Variants in FAM193A observed in about 807,000 individuals in gnomAD.
FAM193A encodes family with sequence similarity 193 member A, also known as protein FAM193A.
A neutral mutation model predicts 126.5 loss-of-function variants in FAM193A; 22 were observed. That is an observed-to-expected ratio of 0.17 (90% CI 0.12 to 0.25). FAM193A has a LOEUF of 0.25. Ranked by LOEUF, FAM193A falls within the 10% of genes least tolerant of loss-of-function variation. FAM193A has a pLI of 1.00. For missense variants in FAM193A, 1,675 were observed against 1,672.8 expected (o/e 1.00, Z -0.02); for synonymous variants, 761 against 646.8 (o/e 1.18, Z -2.68).
chr4:2,722,375 A>G (rs559954545), intron 20 of FAM193A, among the ~76,000 whole-genome samples: 1 of 152,326 alleles, frequency 6.6e-6, no homozygotes, highest in South Asian at 2.1e-4. Flanking sequence ...CCATGCTGCA[A>G]GAACCTGTGG....
At chr4:2,717,239 C>A (rs1719640429) in intron 20 of FAM193A, among the ~76,000 whole-genome samples, 2 of 152,128 alleles carry the variant, frequency 1.3e-5, no homozygotes, top group African/African-American at 4.8e-5. Context: ...CTCAGCCTCC[C>A]AAAGTGCTGA....
chr4:2,682,819 T>A (rs967537278), intron 13 of FAM193A, among the ~76,000 whole-genome samples: 1 of 135,360 alleles, frequency 7.4e-6, no homozygotes, highest in Non-Finnish European at 1.7e-5. Context: ...CTGTCATTAT[T>A]TTCACTTATC....
At chr4:2,667,147 G>A (rs1429031632) in intron 12 of FAM193A, among the ~76,000 whole-genome samples, 1 of 152,206 alleles carries the variant, frequency 6.6e-6, no homozygotes, top group Admixed American at 6.5e-5. Flanking sequence ...TTCTTGTTGT[G>A]TGGAGTGTTC....
At chr4:2,663,069 T>A in intron 11 of FAM193A, 40 bp from the exon 12 acceptor site, 66 of 1,599,720 alleles carry the variant, frequency 4.1e-5, no homozygotes, top group Non-Finnish European at 5.6e-5. Context: ...TATATTACTC[T>A]GTTTTGAAAA....
chr4:2,710,886 C>G (rs1371639355), intron 19 of FAM193A, among the ~76,000 whole-genome samples: 1 of 126,310 alleles, frequency 7.9e-6, no homozygotes, highest in African/African-American at 3.0e-5. Context: ...GAGTCTCGCT[C>G]TTTCGCCCAG....
At chr4:2,552,967 T>A (rs1233589276) in intron 1 of FAM193A, among the ~76,000 whole-genome samples, 2 of 149,624 alleles carry the variant, frequency 1.3e-5, no homozygotes, top group African/African-American at 4.9e-5. Flanking sequence ...CTTGCCTCAG[T>A]CTCTTAAGTA....
At chr4:2,556,116 GAACGC>G (rs1241165313) in intron 1 of FAM193A, among the ~76,000 whole-genome samples, 3 of 151,204 alleles carry the variant, frequency 2.0e-5, no homozygotes, top group Non-Finnish European at 2.9e-5. Flanking sequence ...GGCTGGTCTT[GAACGC>G]CTGATCTCAG....
At chr4:2,723,167 A>G (rs1408845477) in intron 20 of FAM193A, among the ~76,000 whole-genome samples, 4 of 152,176 alleles carry the variant, frequency 2.6e-5, no homozygotes, top group African/African-American at 9.6e-5. Context: ...CCAGCTAGTC[A>G]GGAGGCTGAG....
At chr4:2,602,959 C>CTT (rs71178487) in intron 2 of FAM193A, among the ~76,000 whole-genome samples, 525 of 42,296 alleles carry the variant, frequency 0.012, 150 homozygotes, top group African/African-American at 0.044. Context: ...TGCACCCGGC[C>CTT]TTTTTTTTTT....
At chr4:2,675,053 ACTAT>A (rs746647753) in intron 13 of FAM193A, among the ~76,000 whole-genome samples, 7 of 152,194 alleles carry the variant, frequency 4.6e-5, no homozygotes, top group Non-Finnish European at 5.9e-5. Context: ...GGATCTCCCA[ACTAT>A]CTTTTTGTTA....
intron 19 of FAM193A, among the ~76,000 whole-genome samples, chr4:2,711,401 A>G (rs1408871900): frequency 6.7e-6 from 1 of 150,272 alleles, no homozygotes; most frequent in African/African-American, 2.4e-5. Flanking sequence ...GTGCAGTGGC[A>G]TGATCTCGGC....
rs377714499 is a variant in FAM193A, at chr4:2,602,145, T to G, written c.501+5816T>G. Among the ~76,000 whole-genome samples the G allele has an allele frequency of 3.6e-4, 55 of 152,188 alleles. No individual in the cohort carries two copies. The East Asian group carries it at 5.2e-3, about 14-fold the overall frequency. On this transcript the variant is annotated intron_variant, in intron 2 of 20. Coordinates refer to ENST00000637812, the MANE Select transcript of FAM193A (RefSeq NM_001366318.2). The stretch of plus-strand genomic sequence containing the variant: ...TGAGCCACTGCACCCAGGCAATTAT[T>G]GCTATTTTATATACATACATGTGCT...
chr4:2,536,439 G>A (rs1306389258), upstream of FAM193A, among the ~76,000 whole-genome samples: 1 of 151,924 alleles, frequency 6.6e-6, no homozygotes, highest in South Asian at 2.1e-4. Flanking sequence ...GTCCACCCCC[G>A]GGTACCCCCA....
chr4:2,703,869 G>C lies in FAM193A; in HGVS notation c.4372+3325G>C, dbSNP rs1001898744. Among the ~76,000 whole-genome samples the C allele has an allele frequency of 1.7e-4, 26 of 152,120 alleles. 1 individual carries two copies. The South Asian group carries it at 5.0e-3, about 29-fold the overall frequency. ...CGCCTGTAGTCCCAGCTACTTGGGA[G>C]GCTGAGGCAGGAGAATCGCTGGAGC... is the stretch of plus-strand genomic sequence containing the variant. On this transcript the variant is annotated intron_variant, in intron 19 of 20. Transcript: ENST00000637812.
intron 1 of FAM193A, among the ~76,000 whole-genome samples, chr4:2,578,105 G>T (rs536484893): frequency 6.6e-6 from 1 of 152,140 alleles, no homozygotes; most frequent in Admixed American, 6.6e-5. Flanking sequence ...TTGAGACAGG[G>T]TCTTGCTCTA....
At chr4:2,727,924 A>T (rs984764173) in intron 20 of FAM193A, among the ~76,000 whole-genome samples, 1 of 151,206 alleles carries the variant, frequency 6.6e-6, no homozygotes, top group Non-Finnish European at 1.5e-5. Flanking sequence ...ATGCCTAGCT[A>T]ATTAAAAAAA....
chr4:2,701,851 A>G (rs1278967292), intron 19 of FAM193A, among the ~76,000 whole-genome samples: 2 of 150,832 alleles, frequency 1.3e-5, no homozygotes, highest in East Asian at 3.9e-4. Context: ...ATCTCAGCTC[A>G]CCACAACCTC....
chr4:2,592,836 C>G (rs917636305), intron 1 of FAM193A, among the ~76,000 whole-genome samples: 1 of 152,188 alleles, frequency 6.6e-6, no homozygotes, highest in African/African-American at 2.4e-5. Context: ...TGGGGAAGCT[C>G]TCTGCGCCTG....
At chr4:2,558,614 C>T (rs112013001) in intron 1 of FAM193A, among the ~76,000 whole-genome samples, 1 of 152,300 alleles carries the variant, frequency 6.6e-6, no homozygotes, top group Non-Finnish European at 1.5e-5. Flanking sequence ...CTGTTGGCCT[C>T]AAGCAATCCT....
Sources: allele counts gnomAD v4.1 joint callset (sites outside exome capture counted in the v4.1 genomes callset), GRCh38; gene constraint gnomAD v4.1.1; transcripts MANE v1.5; gene names NCBI Gene and HGNC (gene_info 2026-07-23, HGNC 2026-07-21).